The following ANK3 variants were observed in gnomAD, a reference collection of about 807,000 sequenced individuals.
ANK3 encodes the protein ankyrin 3, also known as ankyrin-3.
ANK3 carries 57 observed loss-of-function variants against 370.9 expected under a neutral mutation model. The observed-to-expected ratio is 0.15, with a 90% CI of 0.12 to 0.19. ANK3 has a LOEUF of 0.19. Ranked by LOEUF, ANK3 falls within the 10% of genes least tolerant of loss-of-function variation. The pLI is 1.00. For synonymous variants in ANK3, 1,929 were observed against 1,946.3 expected, an observed-to-expected ratio of 0.99 and a Z score of 0.23; for missense variants, 4,439 against 5,302.1, an observed-to-expected ratio of 0.84 and a Z score of 5.06.
chr10:60,254,109 C>G (rs2097703664), intron 7 of ANK3, among the ~76,000 whole-genome samples: 2 of 152,104 alleles, frequency 1.3e-5, no homozygotes, highest in South Asian at 4.2e-4. Flanking sequence ...TACACACACT[C>G]TCTGTACACT....
At chr10:60,433,214 T>C (rs2064075169) in intron 2 of ANK3, among the ~76,000 whole-genome samples, 1 of 152,046 alleles carries the variant, frequency 6.6e-6, no homozygotes, top group Non-Finnish European at 1.5e-5. Flanking sequence ...TCCCAGCACT[T>C]TGGGAGGCCA....
At chr10:60,315,605 G>T (rs1384999293) in intron 1 of ANK3, among the ~76,000 whole-genome samples, 3 of 152,184 alleles carry the variant, frequency 2.0e-5, no homozygotes, top group African/African-American at 7.2e-5. Flanking sequence ...TTAGGAAATT[G>T]TCTAACCTGT....
chr10:60,452,933 C>G (rs1173981326), intron 2 of ANK3, among the ~76,000 whole-genome samples: 1 of 152,220 alleles, frequency 6.6e-6, no homozygotes, highest in Admixed American at 6.5e-5. Context: ...TCCCAGCACA[C>G]TTCCTGTGAT....
Position 60,469,545 on chromosome 10 carries a change from GTGTATATATA to G in ANK3, c.96+145631_96+145640del, listed in dbSNP as rs1252680063. On this transcript the variant is annotated intron_variant, in intron 2 of 43. Coordinates refer to the ANK3 transcript ENST00000373827. The stretch of plus-strand genomic sequence containing the variant: ...TGGTGGTATATATATATATATGGTG[GTGTATATATA>G]TATATATATATATATGGTGGTATAT... Among the ~76,000 whole-genome samples, 7 of 1,988 alleles carry G rather than the reference GTGTATATATA, an allele frequency of 3.5e-3. 3 individuals carry two copies. Among genetic ancestry groups the G allele is most frequent in the African/African-American group, 3.6e-3 (2 of 562 alleles). The allele number at this position is 1,988 out of a possible 152,430, so 1.3% of individuals were successfully genotyped here. A position where few individuals can be genotyped will look rare whatever the true frequency, so the allele number is the denominator to read the frequency against.
At chr10:60,576,666 T>C (rs1448911696) in intron 2 of ANK3, among the ~76,000 whole-genome samples, 5 of 152,250 alleles carry the variant, frequency 3.3e-5, no homozygotes, top group African/African-American at 9.6e-5. Context: ...AAATAGTTAC[T>C]AAATCTTACT....
At chr10:60,181,515 G>A in intron 17 of ANK3, 88 bp from the exon 18 acceptor site, 2 of 1,257,438 alleles carry the variant, frequency 1.6e-6, no homozygotes, top group Non-Finnish European at 2.3e-6. Flanking sequence ...TGAATTCTAA[G>A]ATGGTAAGCC....
At chr10:60,607,490 C>T (rs1036946980) in intron 2 of ANK3, among the ~76,000 whole-genome samples, 15 of 152,144 alleles carry the variant, frequency 9.9e-5, no homozygotes, top group Middle Eastern at 3.2e-3. Flanking sequence ...CCTATCGAAT[C>T]CTGGAAACTT....
chr10:60,694,721 C>A (rs2079416756), intron 1 of ANK3, among the ~76,000 whole-genome samples: 1 of 151,950 alleles, frequency 6.6e-6, no homozygotes, highest in African/African-American at 2.4e-5. Context: ...ACCACCAGGC[C>A]TGCCCTAAAA....
chr10:60,436,082 C>A (rs1266630022), intron 2 of ANK3, among the ~76,000 whole-genome samples: 2 of 116,764 alleles, frequency 1.7e-5, no homozygotes, highest in African/African-American at 6.5e-5. Context: ...GAACGAGACT[C>A]CGTCTCAAAA....
chr10:60,080,468 G>A, intron 36 of ANK3, 69 bp downstream of exon 36: 1 of 1,379,142 alleles, frequency 7.3e-7, no homozygotes, highest in Non-Finnish European at 1.0e-6. Context: ...ATAAAATTTG[G>A]TTTGTATAGA....
At chr10:60,488,743 T>C (rs966478714) in intron 2 of ANK3, among the ~76,000 whole-genome samples, 2 of 152,204 alleles carry the variant, frequency 1.3e-5, no homozygotes, top group Non-Finnish European at 2.9e-5. Flanking sequence ...TGATAGAAAA[T>C]ATTGGTATTT....
intron 36 of ANK3, 29 bp from the exon 37 acceptor site, chr10:60,076,477 A>G (rs1412170224): frequency 6.5e-7 from 1 of 1,538,234 alleles, no homozygotes; most frequent in Non-Finnish European, 8.7e-7. Flanking sequence ...AATGAAATCA[A>G]ACACAAAAAT....
At chr10:60,208,511 T>C (rs1463732337) in intron 9 of ANK3, among the ~76,000 whole-genome samples, 1 of 152,192 alleles carries the variant, frequency 6.6e-6, no homozygotes, top group Non-Finnish European at 1.5e-5. Context: ...TAGAGGCATA[T>C]GAATTTTACT....
chr10:60,145,398 G>T (rs1308025575), intron 23 of ANK3, among the ~76,000 whole-genome samples: 1 of 152,090 alleles, frequency 6.6e-6, no homozygotes, highest in African/African-American at 2.4e-5. Flanking sequence ...TTTAAAAAGT[G>T]ATTTTCTTTG....
Position 60,072,161 on chromosome 10 carries a change from A to C in ANK3, c.8720T>G (p.Leu2907Trp). 1 of 1,613,870 alleles carries C rather than the reference A, an allele frequency of 6.2e-7. No homozygotes were observed. Among genetic ancestry groups the C allele is most frequent in the Non-Finnish European group, 8.5e-7 (1 of 1,179,986 alleles). Reference sequence around the variant, plus strand: ...TTCTGAGAGAGAGCCGTTTGTTAACAATTTGCGTTCTCTCTCAGTCACAGA... The same window carrying C: ...TTCTGAGAGAGAGCCGTTTGTTAACCATTTGCGTTCTCTCTCAGTCACAGA... ...FMSVTERERK[L>W]LTNGSLSEIK... The change falls in exon 37 of 44, where the codon TTG (leucine) becomes TGG (tryptophan). Residue 2907 changes from leucine to tryptophan, a missense_variant. By Grantham distance (61) the Leu-to-Trp change is moderately conservative. Around this residue, in one of 13 missense-constraint regions of ANK3, gnomAD observed 1,601 missense variants for 1,731.7 expected, o/e 0.92. Transcript: ENST00000280772.
At chr10:60,245,394 A>AT (rs1310084505) in intron 7 of ANK3, among the ~76,000 whole-genome samples, 5 of 152,120 alleles carry the variant, frequency 3.3e-5, no homozygotes, top group African/African-American at 9.7e-5. Context: ...CAATTCAGTG[A>AT]TTTTTTTATT....
At chr10:60,668,992 C>CA (rs113115246) in intron 1 of ANK3, among the ~76,000 whole-genome samples, 5,292 of 142,116 alleles carry the variant, frequency 0.037, 117 homozygotes, top group South Asian at 0.074. Flanking sequence ...GACTTCATCT[C>CA]AAAAAAAAAA....
intron 7 of ANK3, among the ~76,000 whole-genome samples, chr10:60,246,223 G>A (rs1222234234): frequency 1.6e-5 from 2 of 125,380 alleles, no homozygotes; most frequent in African/African-American, 3.1e-5. Context: ...GCCACTGCAC[G>A]CCAGCCTGGG....
intron 2 of ANK3, among the ~76,000 whole-genome samples, chr10:60,542,721 G>A (rs78058783): frequency 0.13 from 19,895 of 151,916 alleles, 1,466 homozygotes; most frequent in Non-Finnish European, 0.17. Context: ...CAGAACGTGA[G>A]GTTTATCTCT....
Sources: gnomAD v4.1 joint callset for allele counts (sites outside exome capture counted in the v4.1 genomes callset) on GRCh38, gnomAD v4.1.1 for gene constraint, gnomAD v4.1.1 regional missense constraint, MANE v1.5 for transcripts, NCBI Gene and HGNC (gene_info 2026-07-23, HGNC 2026-07-21) for gene names.